DEAF1: variants seen among roughly 807,000 people sequenced by gnomAD.
The protein encoded by DEAF1 is DEAF1 transcription factor.
DEAF1 carries 53 observed loss-of-function variants against 58.9 expected under a neutral mutation model. The observed-to-expected ratio is 0.90, with a 90% CI of 0.72 to 1.13. The LOEUF (loss-of-function observed/expected upper bound fraction) is 1.13. Among genes scored for constraint, DEAF1 ranks in the 50% most tolerant of loss-of-function variants. The pLI is 0.00. For synonymous variants in DEAF1, 385 were observed against 340.4 expected, an observed-to-expected ratio of 1.13 and a Z score of -1.44; for missense variants, 685 against 791.4, an observed-to-expected ratio of 0.87 and a Z score of 1.61.
Position 690,149 on chromosome 11 carries a change from C to T in DEAF1, c.387+1352G>A, listed in dbSNP as rs1235325187. Among the ~76,000 whole-genome samples the T allele has an allele frequency of 4.5e-5, 6 of 133,516 alleles. No individual in the cohort carries two copies. The Admixed American group carries it at 4.7e-4, about 11-fold the overall frequency. The allele number at this position is 133,516 out of a possible 152,430, so 87.6% of individuals were successfully genotyped here. A position where few individuals can be genotyped will look rare whatever the true frequency, so the allele number is the denominator to read the frequency against. ...AGACTACCTGGACAACATGGGGAAC[C>T]CAGGAGGTGGAGGTTGCAGTGAGTT... On this transcript the variant is annotated intron_variant, in intron 2 of 11. Coordinates refer to ENST00000382409, the MANE Select transcript of DEAF1 (RefSeq NM_021008.4).
intron 4 of DEAF1, among the ~76,000 whole-genome samples, chr11:687,634 A>C (rs1206020371): frequency 1.3e-5 from 2 of 152,124 alleles, no homozygotes; most frequent in African/African-American, 4.8e-5. Context: ...GGACTATGGG[A>C]CTACAGGCGC....
Position 695,182 on chromosome 11 carries a change from C to T in DEAF1, c.-135G>A. ...CCGAAGCCGCCGCCCGAATAGGGAC[C>T]GAAAAGGCAGCCAGCCGCCGAGCAG... On this transcript the variant is annotated 5_prime_UTR_variant, in exon 1 of 12. Transcript: ENST00000382409. The T allele has an allele frequency of 7.4e-6, 6 of 809,396 alleles. No individual in the cohort carries two copies. In the South Asian group the frequency reaches 1.3e-4, roughly 17 times the overall value. 50.1% of individuals were successfully genotyped at this position (809,396 alleles called of 1,614,324 possible).
chr11:685,030 G>C, intron 5 of DEAF1, 67 bp from the exon 6 acceptor site: 2 of 1,188,802 alleles, frequency 1.7e-6, no homozygotes, highest in Non-Finnish European at 2.4e-6. Flanking sequence ...TTCAATAATA[G>C]AAGATTTCAA....
At position 666,825 on chromosome 11, in the gene DEAF1, C is replaced by A. The variant is rs528286301; in HGVS notation, c.1503+7711G>T. ...CCTGGGAGGTAGAGCTTGCAGTGAG[C>A]TGAGATCGTGTCACTGCACTCTAGC... On this transcript the variant is annotated intron_variant, in intron 10 of 11. Coordinates refer to ENST00000382409, the MANE Select transcript of DEAF1 (RefSeq NM_021008.4). Among the ~76,000 whole-genome samples, 11 of 132,624 alleles carry A rather than the reference C, an allele frequency of 8.3e-5. No individual in the cohort carries two copies. The East Asian group carries it at 2.2e-3, about 27-fold the overall frequency. 87.0% of individuals were successfully genotyped at this position (132,624 alleles called of 152,430 possible). A position where few individuals can be genotyped will look rare whatever the true frequency, so the allele number is the denominator to read the frequency against.
upstream of DEAF1, chr11:695,438 C>A (rs1861083295): frequency 2.1e-6 from 1 of 465,822 alleles, no homozygotes; most frequent in Non-Finnish European, 3.5e-6. Context: ...AGGCGGCTGT[C>A]GTCCCCGGCC....
chr11:676,780 CG>C (rs1279486943), intron 9 of DEAF1, among the ~76,000 whole-genome samples: 1 of 151,894 alleles, frequency 6.6e-6, no homozygotes, highest in Non-Finnish European at 1.5e-5. Flanking sequence ...CTGGGATTAC[CG>C]GCGTGAGCCA....
intron 9 of DEAF1, chr11:678,486 G>T: frequency 1.5e-6 from 1 of 662,730 alleles, no homozygotes; most frequent in Non-Finnish European, 2.5e-6. Context: ...AACTTCCACA[G>T]CACACACATG....
chr11:670,020 A>C (rs1859741216), intron 10 of DEAF1, among the ~76,000 whole-genome samples: 2 of 151,822 alleles, frequency 1.3e-5, no homozygotes, highest in Non-Finnish European at 2.9e-5. Flanking sequence ...CAGTGAACCA[A>C]GATCATGCCA....
At chr11:691,093 C>A (rs2133420073) in intron 2 of DEAF1, among the ~76,000 whole-genome samples, 1 of 152,356 alleles carries the variant, frequency 6.6e-6, no homozygotes, top group East Asian at 1.9e-4. Context: ...GAGACTGCAC[C>A]ATAAATGCTA....
upstream of DEAF1, chr11:698,040 TC>T (rs1198389217): frequency 1.3e-5 from 2 of 152,282 alleles, no homozygotes; most frequent in African/African-American, 4.8e-5. Flanking sequence ...CAGGTTGCTG[TC>T]CTGCCTGCCG....
intron 10 of DEAF1, among the ~76,000 whole-genome samples, chr11:657,359 G>C (rs1859106486): frequency 6.6e-6 from 1 of 152,190 alleles, no homozygotes; most frequent in Non-Finnish European, 1.5e-5. Flanking sequence ...GGGTGCATCA[G>C]GGGACCCAGG....
chr11:649,353 C>T (rs1162661026), intron 11 of DEAF1, among the ~76,000 whole-genome samples: 1 of 151,658 alleles, frequency 6.6e-6, no homozygotes, highest in Non-Finnish European at 1.5e-5. Context: ...ACCCGGGAAG[C>T]GGAGGTTGCA....
chr11:699,012 G>A, upstream of DEAF1: 1 of 1,184,444 alleles, frequency 8.4e-7, no homozygotes, highest in Non-Finnish European at 1.3e-6. Flanking sequence ...TTGGAGAGGG[G>A]GGTGTTCCTT....
At chr11:671,295 A>G (rs560804766) in intron 10 of DEAF1, among the ~76,000 whole-genome samples, 4 of 151,612 alleles carry the variant, frequency 2.6e-5, no homozygotes, top group South Asian at 4.2e-4. Flanking sequence ...ATCTCAGCTC[A>G]CTGCAACCTC....
chr11:695,056 CG>C lies in DEAF1; in HGVS notation c.-10del. ...GAGTCCGAGTCCTCCATCCGGACTC[CG>C]CCGAGCCTTCCCGAAGGCGCCGTCC... On this transcript the variant is annotated 5_prime_UTR_variant, in exon 1 of 12. Transcript: ENST00000382409. 6.9e-7 allele frequency: 1 copy of C among 1,440,684 alleles called. No homozygotes were observed. Among genetic ancestry groups the C allele is most frequent in the Non-Finnish European group, 9.1e-7 (1 of 1,098,138 alleles). The allele number at this position is 1,440,684 out of a possible 1,614,324, so 89.2% of individuals were successfully genotyped here.
At chr11:685,044 C>A in intron 5 of DEAF1, 81 bp from the exon 6 acceptor site, 1 of 944,092 alleles carries the variant, frequency 1.1e-6, no homozygotes, top group Non-Finnish European at 1.7e-6. Context: ...ATTTCAACCA[C>A]TTTTACCACT....
intron 2 of DEAF1, among the ~76,000 whole-genome samples, chr11:691,213 G>A (rs1393913770): frequency 6.6e-6 from 1 of 152,252 alleles, no homozygotes; most frequent in Admixed American, 6.5e-5. Context: ...CTGAACTGTG[G>A]CCGGACAGCA....
intron 11 of DEAF1, among the ~76,000 whole-genome samples, chr11:647,798 A>G (rs1046109199): frequency 2.0e-5 from 3 of 152,152 alleles, no homozygotes; most frequent in African/African-American, 4.8e-5. Flanking sequence ...AGGTGACTCA[A>G]TCCAGGCAGT....
chr11:685,090 T>C, intron 5 of DEAF1, 127 bp from the exon 6 acceptor site: 1 of 808,976 alleles, frequency 1.2e-6, no homozygotes, highest in South Asian at 1.7e-5. Flanking sequence ...TTCTTTTTTT[T>C]TTTTTTTTTT....
Sources: gnomAD v4.1 joint callset for allele counts (sites outside exome capture counted in the v4.1 genomes callset) on GRCh38, gnomAD v4.1.1 for gene constraint, MANE v1.5 for transcripts, NCBI Gene and HGNC (gene_info 2026-07-23, HGNC 2026-07-21) for gene names.